The following HPS1 variants were observed in gnomAD, a reference collection of about 807,000 sequenced individuals.
HPS1 encodes the protein HPS1 biogenesis of lysosomal organelles complex 3 subunit 1, also known as BLOC-3 complex member HPS1.
In HPS1, 59 loss-of-function variants were observed where a neutral mutation model predicts 90.6. The observed-to-expected ratio is 0.65, with a 90% CI of 0.53 to 0.81. The LOEUF is 0.81. Ranked by LOEUF, HPS1 falls within the 30% of genes least tolerant of loss-of-function variation. The pLI is 0.00. For synonymous variants in HPS1, 388 were observed against 384.4 expected (o/e 1.01, Z -0.11); for missense variants, 849 against 896.7 (o/e 0.95, Z 0.68).
chr10:98,414,746 A>G (rs915105174), downstream of HPS1: 42 of 441,406 alleles, frequency 9.5e-5, no homozygotes, highest in Admixed American at 1.7e-3. Flanking sequence ...TCTTCCTGTC[A>G]TTCTCCATGG....
Position 98,422,481 on chromosome 10 carries a change from A to T in HPS1, c.1631T>A (p.Phe544Tyr), listed in dbSNP as rs1429179402. The T allele has an allele frequency of 6.2e-7, 1 of 1,614,038 alleles. No homozygotes were observed. The highest frequency in any genetic ancestry group is 8.5e-7 in the Non-Finnish European group (1 of 1,180,006). The change falls in exon 17 of 20, where the codon TTC becomes TAC. Residue 544 changes from phenylalanine (F) to tyrosine (Y), a missense_variant. Physicochemically the swap from Phe to Tyr is conservative, Grantham distance 22. Coordinates refer to ENST00000361490, the MANE Select transcript of HPS1 (RefSeq NM_000195.5). ...CCCAGTGGTGCGGTCCACATAGATG[A>T]AGTGCACCAAGCCTGGGAAGTCTTC... Reference protein sequence around the residue: ...YLEDFPGLVHFIYVDRTTGQM... With the variant: ...YLEDFPGLVHYIYVDRTTGQM...
intron 16 of HPS1, among the ~76,000 whole-genome samples, chr10:98,422,755 T>C (rs1191054940): frequency 6.6e-6 from 1 of 152,240 alleles, no homozygotes; most frequent in Non-Finnish European, 1.5e-5. Context: ...CGGGCAGTTC[T>C]GGCCCTACAG....
chr10:98,443,636 G>A (rs562359839), intron 2 of HPS1, among the ~76,000 whole-genome samples: 6 of 152,340 alleles, frequency 3.9e-5, no homozygotes, highest in African/African-American at 1.4e-4. Context: ...CGAATGCCCA[G>A]GGAGGCCATG....
intron 2 of HPS1, among the ~76,000 whole-genome samples, chr10:98,444,217 C>T (rs975228747): frequency 6.6e-6 from 1 of 152,108 alleles, no homozygotes; most frequent in African/African-American, 2.4e-5. Flanking sequence ...TCTAGGGCCA[C>T]AGCCACCAGT....
chr10:98,430,632 G>A lies in HPS1; in HGVS notation c.707C>T (p.Ala236Val). 1 of 1,556,186 alleles carries A rather than the reference G, an allele frequency of 6.4e-7. No homozygotes were observed. The highest frequency in any genetic ancestry group is 8.7e-7 in the Non-Finnish European group (1 of 1,149,190). The change falls in exon 8 of 20, where the codon GCC becomes GTC. Residue 236 changes from alanine to valine, a missense_variant. Physicochemically the swap from Ala to Val is moderately conservative, Grantham distance 64. Coordinates refer to ENST00000361490, the MANE Select transcript of HPS1 (RefSeq NM_000195.5). ...ASSLRPADLL[A>V]LILLVQDLYP... ...GAGGTCCTGAACCAGGAGGATGAGG[G>A]CAAGCAGGTCGGCCGGGCGCAGGGA...
intron 13 of HPS1, 130 bp downstream of exon 13, chr10:98,425,411 T>C (rs950995132): frequency 4.7e-6 from 4 of 848,652 alleles, no homozygotes; most frequent in Non-Finnish European, 5.8e-6. Flanking sequence ...ACAAGGATCG[T>C]AGGCCCGGGG....
In HPS1 at chr10:98,437,789, T is replaced by C. The variant is rs186145049; in HGVS notation, c.118-2017A>G. Reference sequence around the variant, plus strand: ...TTTTTCTGCAGGAATAGAACTTTTTTTTGGTGAGGGGATGACATGGTTAAG... The same window carrying C: ...TTTTTCTGCAGGAATAGAACTTTTTCTTGGTGAGGGGATGACATGGTTAAG... On this transcript the variant is annotated intron_variant, in intron 3 of 19. Coordinates refer to ENST00000361490, the MANE Select transcript of HPS1 (RefSeq NM_000195.5). Among the ~76,000 whole-genome samples the C allele has an allele frequency of 2.1e-3, 321 of 152,336 alleles. 2 individuals carry two copies. Among genetic ancestry groups the C allele is most frequent in the African/African-American group, 7.1e-3 (295 of 41,570 alleles).
chr10:98,430,017 T>C lies in HPS1; in HGVS notation c.769-128A>G, dbSNP rs56733454. The C allele has an allele frequency of 0.067, 50,670 of 753,738 alleles. 2,170 individuals carry two copies. Among genetic ancestry groups the C allele is most frequent in the African/African-American group, 0.16 (9,284 of 57,658 alleles). 46.7% of individuals were successfully genotyped at this position (753,738 alleles called of 1,614,324 possible). On this transcript the variant is annotated intron_variant, in intron 8 of 19. Transcript: ENST00000361490. Reference sequence around the variant, plus strand: ...CCTCCACCCGTTCCGGGTGCAGTCCTGGGTGTGTGGTCCTCAGACTTCCCA... The same window carrying C: ...CCTCCACCCGTTCCGGGTGCAGTCCCGGGTGTGTGGTCCTCAGACTTCCCA...
chr10:98,429,135 C>T, intron 10 of HPS1: 1 of 1,016,774 alleles, frequency 9.8e-7, no homozygotes, highest in Non-Finnish European at 1.2e-6. Flanking sequence ...AGCCACCACA[C>T]CTCAACCATT....
chr10:98,433,727 A>G (rs1441754061), intron 6 of HPS1, among the ~76,000 whole-genome samples: 2 of 152,196 alleles, frequency 1.3e-5, no homozygotes, highest in Non-Finnish European at 2.9e-5. Flanking sequence ...GTCTTCAAAG[A>G]TTCCTGTAAT....
chr10:98,432,521 T>C (rs1846624431), intron 6 of HPS1, among the ~76,000 whole-genome samples: 2 of 152,224 alleles, frequency 1.3e-5, no homozygotes, highest in African/African-American at 4.8e-5. Flanking sequence ...TCCAGCTCAT[T>C]AATTCTCCCT....
At position 98,427,268 on chromosome 10, in the gene HPS1, C is replaced by A; in HGVS notation, c.938-4G>T. On this transcript the variant is annotated splice_region_variant and splice_polypyrimidine_tract_variant and intron_variant, in intron 10 of 19. Coordinates refer to ENST00000361490, the MANE Select transcript of HPS1 (RefSeq NM_000195.5). ...CCCTCCAGCCAGATGGTGCTACCTGCAGGCCACAGGTAATAACATAACGAT... is the reference window on the plus strand; with the variant it reads ...CCCTCCAGCCAGATGGTGCTACCTGAAGGCCACAGGTAATAACATAACGAT... The A allele has an allele frequency of 1.3e-6, 2 of 1,550,056 alleles. No homozygotes were observed. Among genetic ancestry groups the A allele is most frequent in the Non-Finnish European group, 1.7e-6 (2 of 1,145,668 alleles).
intron 11 of HPS1, 124 bp from the exon 12 acceptor site, chr10:98,426,109 T>C (rs1334973674): frequency 7.1e-6 from 6 of 848,460 alleles, no homozygotes; most frequent in Non-Finnish European, 1.1e-5. Flanking sequence ...GTTTTTAAAT[T>C]CCTGCACTCT....
chr10:98,430,303 G>A (rs187819722), intron 8 of HPS1, among the ~76,000 whole-genome samples: 82 of 152,270 alleles, frequency 5.4e-4, no homozygotes, highest in Admixed American at 1.6e-3. Flanking sequence ...GCAAGTACGG[G>A]CTCAGCTCAC....
At chr10:98,426,841 C>T (rs1195370767) in intron 11 of HPS1, among the ~76,000 whole-genome samples, 2 of 151,616 alleles carry the variant, frequency 1.3e-5, no homozygotes, top group Non-Finnish European at 2.9e-5. Context: ...ATTTTGAGGA[C>T]GGGATTAAGA....
chr10:98,434,886 G>A (rs1847079816), intron 5 of HPS1, among the ~76,000 whole-genome samples: 1 of 138,444 alleles, frequency 7.2e-6, no homozygotes, highest in Admixed American at 7.7e-5. Context: ...ATGGGTTTGT[G>A]TTTTTCTGGA....
rs112962596 is a variant in HPS1, at chr10:98,444,182, C to A, written c.1-942G>T. ...TGGTGAGAACAGAGGCTGCCTAAAGCCCCTGTACCTAGTAGGCTGCAGCTT... is the reference window on the plus strand; with the variant it reads ...TGGTGAGAACAGAGGCTGCCTAAAGACCCTGTACCTAGTAGGCTGCAGCTT... On this transcript the variant is annotated intron_variant, in intron 2 of 19. Transcript: ENST00000361490. 3.3e-3 allele frequency among the ~76,000 whole-genome samples: 505 copies of A among 152,192 alleles called. 3 individuals are homozygous for A. The highest frequency in any genetic ancestry group is 9.9e-3 in the African/African-American group (413 of 41,526).
chr10:98,432,336 T>C lies in HPS1; in HGVS notation c.508-1045A>G, dbSNP rs77074167. ...AACCTAATATGGCACCAGGATTCTT[T>C]ATTATATCTTTTAGTATATACATGG... is the stretch of plus-strand genomic sequence containing the variant. On this transcript the variant is annotated intron_variant, in intron 6 of 19. Coordinates refer to ENST00000361490, the MANE Select transcript of HPS1 (RefSeq NM_000195.5). 1.3e-4 allele frequency among the ~76,000 whole-genome samples: 20 copies of C among 152,372 alleles called. No homozygotes were observed. The East Asian group carries it at 3.7e-3, about 28-fold the overall frequency.
At position 98,434,031 on chromosome 10, in the gene HPS1, C is replaced by T. The variant is rs1846926560; in HGVS notation, c.459G>A (p.Leu153=). The T allele has an allele frequency of 1.9e-6, 3 of 1,557,782 alleles. No individual in the cohort carries two copies. Among genetic ancestry groups the T allele is most frequent in the Non-Finnish European group, 2.6e-6 (3 of 1,150,672 alleles). The part of the protein sequence containing the change: ...VQLWEHFQSL[L]WTYSRLREQE... Reference sequence around the variant, plus strand: ...GCTCCCGCAGGCGGCTGTAGGTCCACAGCAGGCTCTGGAAGTGCTCCCACA... The same window carrying T: ...GCTCCCGCAGGCGGCTGTAGGTCCATAGCAGGCTCTGGAAGTGCTCCCACA... Residue 153 remains leucine, a synonymous_variant, in exon 6 of 20, where the codon CTG becomes CTA. Transcript: ENST00000361490.
Sources: allele counts gnomAD v4.1 joint callset (sites outside exome capture counted in the v4.1 genomes callset), GRCh38; gene constraint gnomAD v4.1.1; transcripts MANE v1.5; gene names NCBI Gene and HGNC (gene_info 2026-07-23, HGNC 2026-07-21).